Variants in GPC5 observed in about 807,000 individuals in gnomAD.
GPC5 encodes glypican 5, also known as glypican-5.
GPC5 carries 47 observed loss-of-function variants against 53.9 expected under a neutral mutation model. The ratio of observed to expected loss-of-function variants is 0.87; its 90% confidence interval spans 0.69 to 1.11. GPC5 has a LOEUF of 1.11. Ranked by LOEUF, GPC5 falls within the 50% of genes most tolerant of loss-of-function variation. The pLI, the probability that GPC5 is intolerant of heterozygous loss-of-function variation, is 0.00. For synonymous variants in GPC5, 286 were observed against 263.3 expected (o/e 1.09, Z -0.84); for missense variants, 748 against 713.1 (o/e 1.05, Z -0.56).
chr13:92,677,778 A>G (rs1201495845), intron 7 of GPC5, among the ~76,000 whole-genome samples: 1 of 151,930 alleles, frequency 6.6e-6, no homozygotes, highest in Admixed American at 6.6e-5. Flanking sequence ...ACGCCACCCC[A>G]CCCATGTGCT....
At chr13:91,833,045 A>G (rs1380343138) in intron 5 of GPC5, among the ~76,000 whole-genome samples, 1 of 152,194 alleles carries the variant, frequency 6.6e-6, no homozygotes, top group Admixed American at 6.5e-5. Context: ...GATGCAATAA[A>G]AAATGATAAA....
intron 7 of GPC5, among the ~76,000 whole-genome samples, chr13:92,736,533 C>G (rs1196034702): frequency 6.6e-6 from 1 of 151,844 alleles, no homozygotes. Context: ...CTGGCTCCTT[C>G]TCATATTTTG....
At chr13:92,616,809 C>G (rs1884707335) in intron 7 of GPC5, among the ~76,000 whole-genome samples, 4 of 151,996 alleles carry the variant, frequency 2.6e-5, no homozygotes, top group Non-Finnish European at 5.9e-5. Flanking sequence ...ATGCGTAAAG[C>G]AAGAACTGCA....
chr13:91,846,815 T>C (rs576105164), intron 5 of GPC5, among the ~76,000 whole-genome samples: 2 of 152,110 alleles, frequency 1.3e-5, no homozygotes, highest in African/African-American at 4.8e-5. Context: ...TTTTCAATGT[T>C]TATGGGAATT....
chr13:92,349,839 C>T (rs1197189012), intron 7 of GPC5, among the ~76,000 whole-genome samples: 1 of 152,028 alleles, frequency 6.6e-6, no homozygotes, highest in African/African-American at 2.4e-5. Context: ...TTCTCAAAGC[C>T]TTCCCAAAAA....
intron 7 of GPC5, among the ~76,000 whole-genome samples, chr13:92,440,762 T>C (rs1877518760): frequency 6.6e-6 from 1 of 152,186 alleles, no homozygotes; most frequent in Non-Finnish European, 1.5e-5. Flanking sequence ...GCATCTGTTA[T>C]TTTTTGAGGT....
intron 2 of GPC5, among the ~76,000 whole-genome samples, chr13:91,607,290 T>C (rs1337703565): frequency 2.6e-5 from 4 of 152,232 alleles, no homozygotes; most frequent in Admixed American, 2.6e-4. Context: ...ATGTGGAGTT[T>C]GCTGAAGCAG....
intron 7 of GPC5, among the ~76,000 whole-genome samples, chr13:92,798,432 C>T (rs1175643897): frequency 1.3e-5 from 2 of 151,770 alleles, no homozygotes; most frequent in African/African-American, 4.8e-5. Context: ...ATCATTTATA[C>T]TTTTTCCTTG....
intron 7 of GPC5, among the ~76,000 whole-genome samples, chr13:92,488,843 G>A (rs1879656322): frequency 6.6e-6 from 1 of 152,166 alleles, no homozygotes; most frequent in South Asian, 2.1e-4. Flanking sequence ...AACTGTTCAT[G>A]TCTATGTGTA....
intron 6 of GPC5, among the ~76,000 whole-genome samples, chr13:91,973,053 G>T (rs2040259583): frequency 6.6e-6 from 1 of 152,204 alleles, no homozygotes; most frequent in Non-Finnish European, 1.5e-5. Context: ...ATAATATCCT[G>T]CAGAGTGTTT....
chr13:91,773,627 A>G (rs1181514133), intron 5 of GPC5, among the ~76,000 whole-genome samples: 4 of 152,210 alleles, frequency 2.6e-5, no homozygotes, highest in Non-Finnish European at 5.9e-5. Flanking sequence ...GATAGTTTCA[A>G]TATGATCTGG....
intron 7 of GPC5, among the ~76,000 whole-genome samples, chr13:92,699,309 C>A (rs1887655615): frequency 6.6e-6 from 1 of 151,946 alleles, no homozygotes. Context: ...CTATTAGATT[C>A]TTCTATCTTT....
chr13:91,670,950 G>C (rs2035230483), intron 2 of GPC5, among the ~76,000 whole-genome samples: 1 of 152,150 alleles, frequency 6.6e-6, no homozygotes. Flanking sequence ...AAGGCAACTT[G>C]TATGACAGCT....
intron 7 of GPC5, among the ~76,000 whole-genome samples, chr13:92,494,112 C>G (rs988492863): frequency 1.0e-4 from 15 of 147,212 alleles, no homozygotes; most frequent in Non-Finnish European, 1.9e-4. Context: ...TTTTTTGAGA[C>G]GGAGTCTCGC....
At chr13:91,673,146 C>T (rs189181062) in intron 2 of GPC5, among the ~76,000 whole-genome samples, 35 of 151,940 alleles carry the variant, frequency 2.3e-4, no homozygotes, top group Admixed American at 9.2e-4. Flanking sequence ...CAGCATGGCA[C>T]GCATATACCT....
At chr13:92,467,880 G>A (rs1878760641) in intron 7 of GPC5, among the ~76,000 whole-genome samples, 1 of 152,088 alleles carries the variant, frequency 6.6e-6, no homozygotes, top group Non-Finnish European at 1.5e-5. Context: ...AAATAGGCTT[G>A]ATGTGCTTTG....
chr13:92,724,078 G>T (rs1309113259), intron 7 of GPC5, among the ~76,000 whole-genome samples: 1 of 151,314 alleles, frequency 6.6e-6, no homozygotes, highest in African/African-American at 2.4e-5. Flanking sequence ...TGTTTTTGTT[G>T]TATAAGTTTA....
At chr13:92,511,424 T>G (rs1880559914) in intron 7 of GPC5, among the ~76,000 whole-genome samples, 1 of 152,236 alleles carries the variant, frequency 6.6e-6, no homozygotes, top group Non-Finnish European at 1.5e-5. Context: ...CCAGAAATAT[T>G]TCCTAACGGT....
intron 7 of GPC5, among the ~76,000 whole-genome samples, chr13:92,595,944 T>C (rs905801598): frequency 9.9e-5 from 15 of 152,248 alleles, no homozygotes; most frequent in African/African-American, 2.9e-4. Flanking sequence ...TGTGAAAATA[T>C]ATTGTTACTT....
Sources: allele counts gnomAD v4.1 joint callset (sites outside exome capture counted in the v4.1 genomes callset), GRCh38; gene constraint gnomAD v4.1.1; transcripts MANE v1.5; gene names NCBI Gene and HGNC (gene_info 2026-07-23, HGNC 2026-07-21).